CNTN5: variants seen among roughly 807,000 people sequenced by gnomAD.
CNTN5 encodes the protein contactin-5.
CNTN5 carries 77 observed loss-of-function variants against 129.1 expected under a neutral mutation model. The ratio of observed to expected loss-of-function variants is 0.60; its 90% CI spans 0.50 to 0.72. The LOEUF (loss-of-function observed/expected upper bound fraction) is 0.72. Ranked by LOEUF, CNTN5 falls within the 30% of genes least tolerant of loss-of-function variation. The pLI, the probability that CNTN5 is intolerant of heterozygous loss-of-function variation, is 0.00. For synonymous variants in CNTN5, 509 were observed against 465.6 expected (o/e 1.09, Z -1.20); for missense variants, 1,478 against 1,328.8 (o/e 1.11, Z -1.75).
intron 13 of CNTN5, among the ~76,000 whole-genome samples, chr11:100,079,036 G>C (rs141543881): frequency 0.011 from 1,630 of 152,208 alleles, 33 homozygotes; most frequent in African/African-American, 0.034. Context: ...GAAGTGCCAA[G>C]GAAAGGGGGA....
chr11:99,252,958 T>C (rs1331952901), intron 1 of CNTN5, among the ~76,000 whole-genome samples: 1 of 5,718 alleles, frequency 1.7e-4, no homozygotes, highest in African/African-American at 1.7e-3. Flanking sequence ...TTAAATCTCT[T>C]TTTTTTTTTT....
At chr11:99,966,718 G>T (rs909791642) in intron 8 of CNTN5, among the ~76,000 whole-genome samples, 2 of 152,178 alleles carry the variant, frequency 1.3e-5, no homozygotes, top group Admixed American at 1.3e-4. Flanking sequence ...GGTAGTGAGC[G>T]TAGATCATTT....
intron 13 of CNTN5, among the ~76,000 whole-genome samples, chr11:100,135,664 T>C (rs1250438837): frequency 2.6e-5 from 4 of 152,164 alleles, no homozygotes; most frequent in African/African-American, 9.7e-5. Context: ...ACGAGTTTTC[T>C]TACACAAAGA....
intron 16 of CNTN5, among the ~76,000 whole-genome samples, chr11:100,246,410 C>T (rs556896739): frequency 1.3e-5 from 2 of 152,152 alleles, no homozygotes; most frequent in South Asian, 4.1e-4. Flanking sequence ...TTCTTTAGAT[C>T]ATTTTTTCTT....
intron 4 of CNTN5, 53 bp from the exon 5 acceptor site, chr11:99,844,799 A>G: frequency 6.5e-7 from 1 of 1,543,928 alleles, no homozygotes; most frequent in Non-Finnish European, 8.8e-7. Context: ...AAAAAACACA[A>G]AATATCTTGC....
intron 2 of CNTN5, among the ~76,000 whole-genome samples, chr11:99,420,802 G>A (rs1942855090): frequency 6.6e-6 from 1 of 151,980 alleles, no homozygotes. Flanking sequence ...TTCTCTCTTG[G>A]GTTGAAATAA....
intron 1 of CNTN5, among the ~76,000 whole-genome samples, chr11:99,087,396 C>T (rs1866046978): frequency 6.6e-6 from 1 of 152,060 alleles, no homozygotes; most frequent in African/African-American, 2.4e-5. Flanking sequence ...TTTATTTACT[C>T]ATAAAATAAA....
intron 1 of CNTN5, among the ~76,000 whole-genome samples, chr11:99,059,431 T>C (rs1026506995): frequency 6.6e-6 from 1 of 152,110 alleles, no homozygotes; most frequent in African/African-American, 2.4e-5. Flanking sequence ...ATTACCAGCA[T>C]GCAAACAGAT....
chr11:99,529,068 T>C (rs1348445491), intron 2 of CNTN5, among the ~76,000 whole-genome samples: 1 of 151,692 alleles, frequency 6.6e-6, no homozygotes, highest in East Asian at 1.9e-4. Context: ...AGAGTGAAAC[T>C]GAGTCTCAAA....
rs966954997 is a variant in CNTN5, at chr11:99,461,818, C to CT, written c.-70-94319dup. Among the ~76,000 whole-genome samples the CT allele has an allele frequency of 6.5e-4, 99 of 151,950 alleles. No individual in the cohort carries two copies. The Middle Eastern group carries it at 0.01, about 16-fold the overall frequency. On this transcript the variant is annotated intron_variant, in intron 2 of 24. Transcript: ENST00000524871. ...GTGCTACCCTCTTTAAAATGTGCAA[C>CT]TTTTTTTTAAAATGTAGAATTTAAA...
At chr11:99,494,402 G>A (rs1946148808) in intron 2 of CNTN5, among the ~76,000 whole-genome samples, 1 of 152,086 alleles carries the variant, frequency 6.6e-6, no homozygotes, top group African/African-American at 2.4e-5. Flanking sequence ...TAATAGCAAG[G>A]CTAAATCCTT....
At chr11:100,292,045 TA>T (rs1165835988) in intron 18 of CNTN5, among the ~76,000 whole-genome samples, 3 of 151,950 alleles carry the variant, frequency 2.0e-5, no homozygotes, top group Non-Finnish European at 4.4e-5. Context: ...TTAATTTAAT[TA>T]AAAAAATTTA....
chr11:99,445,955 G>C (rs992073827), intron 2 of CNTN5, among the ~76,000 whole-genome samples: 3 of 151,816 alleles, frequency 2.0e-5, no homozygotes, highest in Non-Finnish European at 2.9e-5. Context: ...GTGGTGGCAG[G>C]CTCCTGTAAT....
chr11:99,036,962 C>T (rs1863766771), intron 1 of CNTN5, among the ~76,000 whole-genome samples: 1 of 152,092 alleles, frequency 6.6e-6, no homozygotes, highest in African/African-American at 2.4e-5. Flanking sequence ...ATCTAAAATG[C>T]TTTGAGGCAT....
intron 11 of CNTN5, 101 bp from the exon 12 acceptor site, chr11:100,071,604 A>T: frequency 1.3e-6 from 1 of 781,356 alleles, no homozygotes. Flanking sequence ...GTTTAACTGT[A>T]TTAATTGCAA....
chr11:99,115,955 G>T (rs1264838540), intron 1 of CNTN5, among the ~76,000 whole-genome samples: 3 of 152,150 alleles, frequency 2.0e-5, no homozygotes, highest in African/African-American at 7.2e-5. Context: ...ATTTGTGAAA[G>T]AAGAGGTTTG....
chr11:99,727,496 T>C (rs1470661314), intron 3 of CNTN5, among the ~76,000 whole-genome samples: 4 of 151,898 alleles, frequency 2.6e-5, no homozygotes, highest in African/African-American at 9.7e-5. Context: ...TTCATAGTTA[T>C]TATATTATCC....
intron 3 of CNTN5, 75 bp downstream of exon 3, chr11:99,556,344 C>T: frequency 1.2e-6 from 1 of 868,096 alleles, no homozygotes; most frequent in South Asian, 1.8e-5. Flanking sequence ...GTCTCCATTA[C>T]AAAATATCCT....
chr11:99,602,369 G>C (rs1356046905), intron 3 of CNTN5, among the ~76,000 whole-genome samples: 1 of 152,064 alleles, frequency 6.6e-6, no homozygotes, highest in Non-Finnish European at 1.5e-5. Context: ...AGTGAATTCA[G>C]AGGAGATATT....
Sources: gnomAD v4.1 joint callset for allele counts (sites outside exome capture counted in the v4.1 genomes callset) on GRCh38, gnomAD v4.1.1 for gene constraint, MANE v1.5 for transcripts, NCBI Gene and HGNC (gene_info 2026-07-23, HGNC 2026-07-21) for gene names.